TOPBP1: variants seen among roughly 807,000 people sequenced by gnomAD.
TOPBP1 encodes DNA topoisomerase 2-binding protein 1.
A neutral mutation model predicts 167.7 loss-of-function variants in TOPBP1; 28 were observed. The observed-to-expected ratio is 0.17, with a 90% CI of 0.12 to 0.23. The LOEUF (loss-of-function observed/expected upper bound fraction) is 0.23, where lower values mean the gene tolerates loss of function less well. Ranked by LOEUF, TOPBP1 falls within the 10% of genes least tolerant of loss-of-function variation. The pLI is 1.00. For synonymous variants in TOPBP1, 598 were observed against 611.4 expected, an observed-to-expected ratio of 0.98 and a Z score of 0.32; for missense variants, 1,554 against 1,809.6, an observed-to-expected ratio of 0.86 and a Z score of 2.56.
chr3:133,641,609 C>T (rs1253112277), intron 12 of TOPBP1, among the ~76,000 whole-genome samples: 1 of 152,128 alleles, frequency 6.6e-6, no homozygotes, highest in African/African-American at 2.4e-5. Context: ...CTGCCACGGC[C>T]TCTCAAAGTG....
At chr3:133,619,111 CA>C (rs71136485) in intron 20 of TOPBP1, among the ~76,000 whole-genome samples, 83 of 103,494 alleles carry the variant, frequency 8.0e-4, no homozygotes, top group Middle Eastern at 5.2e-3. Context: ...TGTGGAGAAG[CA>C]AAAAAAAAAA....
At chr3:133,616,627 A>T (rs1048546035) in intron 23 of TOPBP1, among the ~76,000 whole-genome samples, 187 bp downstream of exon 23, 1 of 152,226 alleles carries the variant, frequency 6.6e-6, no homozygotes, top group African/African-American at 2.4e-5. Context: ...AAATCCCATG[A>T]TCTACTGACT....
intron 23 of TOPBP1, among the ~76,000 whole-genome samples, chr3:133,612,952 C>T (rs141232957): frequency 6.8e-4 from 104 of 152,182 alleles, no homozygotes; most frequent in African/African-American, 2.3e-3. Context: ...ACCACAACCT[C>T]CAGCTCAAGC....
chr3:133,648,785 C>T (rs193210919), intron 10 of TOPBP1, among the ~76,000 whole-genome samples: 2 of 150,672 alleles, frequency 1.3e-5, no homozygotes, highest in East Asian at 1.9e-4. Context: ...GCAACAAGAG[C>T]GAAATCCTGC....
At chr3:133,633,262 C>A (rs898410394) in intron 14 of TOPBP1, among the ~76,000 whole-genome samples, 2 of 152,164 alleles carry the variant, frequency 1.3e-5, no homozygotes, top group Non-Finnish European at 2.9e-5. Context: ...CCACCAAAAC[C>A]CTTATTGTTA....
rs181541490 is a variant in TOPBP1, at chr3:133,637,710, T to C, written c.2520+166A>G. On this transcript the variant is annotated intron_variant, in intron 14 of 27. Coordinates refer to ENST00000260810, the MANE Select transcript of TOPBP1 (RefSeq NM_007027.4). The stretch of plus-strand genomic sequence containing the variant: ...TTATCTATAGCTGTTACCTTAACCC[T>C]AAATGTATGCTGGGACTCAAAACGT... 3.6e-4 allele frequency among the ~76,000 whole-genome samples: 55 copies of C among 152,372 alleles called. 1 individual carries two copies. Among genetic ancestry groups the C allele is most frequent in the Admixed American group, 3.2e-3 (49 of 15,308 alleles).
At chr3:133,636,619 T>C (rs1935687501) in intron 14 of TOPBP1, among the ~76,000 whole-genome samples, 1 of 152,224 alleles carries the variant, frequency 6.6e-6, no homozygotes, top group South Asian at 2.1e-4. Flanking sequence ...TTGCAATGTA[T>C]CTATATAAGA....
At chr3:133,626,086 G>T (rs566337129) in intron 16 of TOPBP1, among the ~76,000 whole-genome samples, 31 of 152,272 alleles carry the variant, frequency 2.0e-4, no homozygotes, top group African/African-American at 7.0e-4. Context: ...TTCTTAAAAG[G>T]CCAGATAGTA....
chr3:133,657,592 T>A lies in TOPBP1; in HGVS notation c.363+206A>T, dbSNP rs923296559. 3.9e-5 allele frequency among the ~76,000 whole-genome samples: 6 copies of A among 152,086 alleles called. 1 individual carries two copies. Among genetic ancestry groups the A allele is most frequent in the Admixed American group, 3.9e-4 (6 of 15,256 alleles). ...AAAACAAAAAATTTCAATTAGCCAG[T>A]TTTCAACAAAACAAATTCTACTATA... On this transcript the variant is annotated intron_variant, in intron 4 of 27. Coordinates refer to ENST00000260810, the MANE Select transcript of TOPBP1 (RefSeq NM_007027.4).
Position 133,658,925 on chromosome 3 carries a change from T to C in TOPBP1, c.219+91A>G. On this transcript the variant is annotated intron_variant, in intron 3 of 27. Coordinates refer to ENST00000260810, the MANE Select transcript of TOPBP1 (RefSeq NM_007027.4). ...TCCAATGTACTCATAAGTTGCATAGTACTTTATAATCCGCAAAGAATGTAT... is the reference window on the plus strand; with the variant it reads ...TCCAATGTACTCATAAGTTGCATAGCACTTTATAATCCGCAAAGAATGTAT... The C allele has an allele frequency of 2.9e-6, 4 of 1,379,002 alleles. No individual in the cohort carries two copies. The South Asian group carries it at 4.7e-5, about 16-fold the overall frequency. The allele number at this position is 1,379,002 out of a possible 1,614,324, so 85.4% of individuals were successfully genotyped here. A position where few individuals can be genotyped will look rare whatever the true frequency, so the allele number is the denominator to read the frequency against.
chr3:133,645,604 G>A (rs990069356), intron 10 of TOPBP1, among the ~76,000 whole-genome samples: 3 of 152,024 alleles, frequency 2.0e-5, no homozygotes, highest in Non-Finnish European at 2.9e-5. Flanking sequence ...TTTTTTCGAC[G>A]TCTATATGTT....
intron 19 of TOPBP1, 108 bp downstream of exon 19, chr3:133,622,983 C>T (rs1476521497): frequency 3.3e-6 from 2 of 605,252 alleles, no homozygotes; most frequent in East Asian, 2.9e-5. Flanking sequence ...TCCTTTCAGC[C>T]CAGGAGTTTC....
intron 25 of TOPBP1, 53 bp downstream of exon 25, chr3:133,610,951 G>C (rs1483460074): frequency 1.4e-6 from 2 of 1,429,094 alleles, no homozygotes; most frequent in Middle Eastern, 1.9e-4. Flanking sequence ...AAATGTGAAA[G>C]AGTCACAATA....
chr3:133,603,967 T>G (rs140642840), intron 27 of TOPBP1, among the ~76,000 whole-genome samples: 1 of 151,808 alleles, frequency 6.6e-6, no homozygotes, highest in Non-Finnish European at 1.5e-5. Flanking sequence ...AGAATTAAAA[T>G]TATAGAGTAT....
intron 13 of TOPBP1, among the ~76,000 whole-genome samples, chr3:133,639,234 G>A (rs1256010527): frequency 1.3e-5 from 2 of 152,198 alleles, no homozygotes; most frequent in Non-Finnish European, 2.9e-5. Context: ...ATGATAGACT[G>A]GATTAAGAAA....
rs762822056 is a variant in TOPBP1 at position 133,640,139 on chromosome 3, C to T, written c.2053G>A (p.Ala685Thr). The T allele has an allele frequency of 5.0e-6, 8 of 1,613,460 alleles. No individual in the cohort carries two copies. The South Asian group carries it at 6.6e-5, about 13-fold the overall frequency. Residue 685 changes from alanine to threonine, a missense_variant, in exon 13 of 28, where the codon GCA becomes ACA. By Grantham distance (58) the Ala-to-Thr change is moderately conservative. Around this residue, in one of 3 missense-constraint regions of TOPBP1, gnomAD observed 1,197 missense variants for 1,351.5 expected, o/e 0.89. Transcript: ENST00000260810. ...VQEYFVRKSN[A>T]KKGMFASTHL... The stretch of plus-strand genomic sequence containing the variant: ...GTACTGGCAAACATGCCTTTCTTTG[C>T]ATTGGATTTGCGAACAAAGTATTCT...
chr3:133,661,215 T>C, intron 1 of TOPBP1, 81 bp from the exon 2 acceptor site: 2 of 1,059,424 alleles, frequency 1.9e-6, no homozygotes, highest in Non-Finnish European at 2.6e-6. Flanking sequence ...TATTTTTCTG[T>C]GCAGACAAGA....
Position 133,611,034 on chromosome 3 carries a change from G to A in TOPBP1, c.4143C>T (p.Ile1381=). The change falls in exon 25 of 28, where the codon ATC becomes ATT. Residue 1381 remains isoleucine, a synonymous_variant. Transcript: ENST00000260810. ...CAATGCCAGATTCTTGTCTTTGCTGGATTTTTTTTCTCCATCTCATTGCTG... is the reference window on the plus strand; with the variant it reads ...CAATGCCAGATTCTTGTCTTTGCTGAATTTTTTTTCTCCATCTCATTGCTG... ...ALAAMRWRKK[I]QQRQESGIVE... is the part of the protein sequence containing the mutation. 6.2e-7 allele frequency: 1 copy of A among 1,612,570 alleles called. No individual in the cohort carries two copies. The highest frequency in any genetic ancestry group is 8.5e-7 in the Non-Finnish European group (1 of 1,179,088).
intron 8 of TOPBP1, among the ~76,000 whole-genome samples, chr3:133,650,550 G>A (rs2107825859): frequency 6.6e-6 from 1 of 152,100 alleles, no homozygotes; most frequent in African/African-American, 2.4e-5. Flanking sequence ...TAACATGTAT[G>A]CAGTAATTTA....
Sources: allele counts gnomAD v4.1 joint callset (sites outside exome capture counted in the v4.1 genomes callset), GRCh38; gene constraint gnomAD v4.1.1; regional missense constraint gnomAD v4.1.1; transcripts MANE v1.5; gene names NCBI Gene and HGNC (gene_info 2026-07-23, HGNC 2026-07-21).